The following PIK3CA variants were observed in gnomAD, a reference collection of about 807,000 sequenced individuals.
PIK3CA encodes the protein phosphatidylinositol-4,5-bisphosphate 3-kinase catalytic subunit alpha.
PIK3CA carries 27 observed loss-of-function variants against 138.2 expected under a neutral mutation model. The ratio of observed to expected loss-of-function variants is 0.20; its 90% confidence interval spans 0.14 to 0.27. The LOEUF is 0.27. Ranked by LOEUF, PIK3CA falls within the 10% of genes least tolerant of loss-of-function variation. PIK3CA has a pLI of 1.00. For missense variants in PIK3CA, 544 were observed against 1,277.4 expected (o/e 0.43, Z 8.75); for synonymous variants, 358 against 413.2 (o/e 0.87, Z 1.62).
chr3:179,230,761 A>G lies in PIK3CA; in HGVS notation c.2936+385A>G, dbSNP rs1725191596. 6.6e-6 allele frequency among the ~76,000 whole-genome samples: 1 copy of G among 152,208 alleles called. No homozygotes were observed. The highest frequency in any genetic ancestry group is 2.4e-5 in the African/African-American group (1 of 41,462). On this transcript the variant is annotated intron_variant, in intron 20 of 20. Transcript: ENST00000263967. The surrounding 1 kb of genome is among the most constrained non-coding windows in gnomAD (Gnocchi z 5.4). ...AGAGTGAGACCCTGTATCAAAATAA[A>G]TAAAATGAAATAATAGAAGTTCTTT...
chr3:179,172,107 T>TA (rs1723573715), intron 1 of PIK3CA, among the ~76,000 whole-genome samples: 1 of 152,160 alleles, frequency 6.6e-6, no homozygotes, highest in Non-Finnish European at 1.5e-5. Flanking sequence ...CAATTCTGTG[T>TA]AATATACCAT....
rs2108429497 is a variant in PIK3CA, at chr3:179,234,214, T to A, written c.3057T>A (p.Ile1019=). ...CAGAACTACAATCTTTTGATGACAT[T>A]GCATACATTCGAAAGACCCTAGCCT... ...GMPELQSFDD[I]AYIRKTLALD... The change falls in exon 21 of 21, where the codon ATT becomes ATA. Residue 1019 remains isoleucine (I), a synonymous_variant. Coordinates refer to ENST00000263967, the MANE Select transcript of PIK3CA (RefSeq NM_006218.4). This position sits in a 1 kb window ranked among gnomAD's most constrained non-coding sequence, Gnocchi z 5.1. 1 of 1,613,786 alleles carries A rather than the reference T, an allele frequency of 6.2e-7. No homozygotes were observed. Among genetic ancestry groups the A allele is most frequent in the South Asian group, 1.1e-5 (1 of 91,066 alleles).
In PIK3CA at chr3:179,195,278, C is replaced by A. The variant is rs185716818; in HGVS notation, c.-76-3472C>A. Among the ~76,000 whole-genome samples the A allele has an allele frequency of 1.6e-3, 246 of 150,478 alleles. 1 individual carries two copies. The highest frequency in any genetic ancestry group is 5.7e-3 in the African/African-American group (235 of 40,896). On this transcript the variant is annotated intron_variant, in intron 1 of 20. Transcript: ENST00000263967. ...TCTCGGTGAAAAAAAAAAACAACAA[C>A]AAAAACCGTTTCCTTCCCCATCTGG...
intron 9 of PIK3CA, among the ~76,000 whole-genome samples, chr3:179,215,830 T>A (rs1474835594): frequency 6.6e-6 from 1 of 152,152 alleles, no homozygotes; most frequent in Non-Finnish European, 1.5e-5. Context: ...ATTAGACAAA[T>A]CATAATATGA....
intron 1 of PIK3CA, among the ~76,000 whole-genome samples, chr3:179,197,567 A>G (rs1241562752): frequency 6.6e-6 from 1 of 152,210 alleles, no homozygotes; most frequent in Non-Finnish European, 1.5e-5. Context: ...TCGTCATTAG[A>G]TTCCCACATC....
intron 4 of PIK3CA, 51 bp from the exon 5 acceptor site, chr3:179,203,493 T>A: frequency 1.3e-6 from 2 of 1,544,420 alleles, no homozygotes; most frequent in South Asian, 1.2e-5. Flanking sequence ...CATGTTACTT[T>A]TAAAATGAAA....
rs1234538194 is a variant in PIK3CA, at chr3:179,237,748, G to T, written c.*3384G>T. 1 of 210,752 alleles carries T rather than the reference G, an allele frequency of 4.7e-6. No homozygotes were observed. The highest frequency in any genetic ancestry group is 2.3e-5 in the African/African-American group (1 of 44,098). The allele number at this position is 210,752 out of a possible 1,614,324, so 13.1% of individuals were successfully genotyped here. A position where few individuals can be genotyped will look rare whatever the true frequency, so the allele number is the denominator to read the frequency against. On this transcript the variant is annotated 3_prime_UTR_variant, in exon 21 of 21. Coordinates refer to ENST00000263967, the MANE Select transcript of PIK3CA (RefSeq NM_006218.4). Reference sequence around the variant, plus strand: ...TGTTTTTTCTTAATGATGTAAATCCGTTTAATTCATACTTTGATCAATAGC... The same window carrying T: ...TGTTTTTTCTTAATGATGTAAATCCTTTTAATTCATACTTTGATCAATAGC...
chr3:179,226,669 A>G (rs978433716), intron 17 of PIK3CA, among the ~76,000 whole-genome samples: 4 of 152,134 alleles, frequency 2.6e-5, no homozygotes, highest in African/African-American at 7.2e-5. Context: ...AGCTGTAACA[A>G]CAGGGTACAT....
rs1725360435 is a variant in PIK3CA at position 179,237,822 on chromosome 3, G to C, written c.*3458G>C. 2 of 209,946 alleles carry C rather than the reference G, an allele frequency of 9.5e-6. No homozygotes were observed. Among genetic ancestry groups the C allele is most frequent in the African/African-American group, 4.5e-5 (2 of 44,048 alleles). 13.0% of individuals were successfully genotyped at this position (209,946 alleles called of 1,614,324 possible). A position where few individuals can be genotyped will look rare whatever the true frequency, so the allele number is the denominator to read the frequency against. On this transcript the variant is annotated 3_prime_UTR_variant, in exon 21 of 21. Transcript: ENST00000263967. The stretch of plus-strand genomic sequence containing the variant: ...ATTTAATTTCCAGCAGTATTTTAAA[G>C]CTAGCCTGTTAACTTTTTCTGAATA...
At chr3:179,223,228 G>GA (rs897394949) in intron 14 of PIK3CA, among the ~76,000 whole-genome samples, 2 of 152,028 alleles carry the variant, frequency 1.3e-5, no homozygotes, top group African/African-American at 4.8e-5. Context: ...ATAACAAGAA[G>GA]AAAAAAACTT....
Position 179,220,975 on chromosome 3 carries a change from G to A in PIK3CA, c.2016-11G>A, listed in dbSNP as rs200418058. ...TATATATATATTTTTAATTTTGCACGATTCTTTTAGATCTGAGATGCACAA... is the reference window on the plus strand; with the variant it reads ...TATATATATATTTTTAATTTTGCACAATTCTTTTAGATCTGAGATGCACAA... On this transcript the variant is annotated splice_polypyrimidine_tract_variant and intron_variant, in intron 13 of 20. Coordinates refer to ENST00000263967, the MANE Select transcript of PIK3CA (RefSeq NM_006218.4). The surrounding 1 kb of genome is among the most constrained non-coding windows in gnomAD (Gnocchi z 4.1). 71 of 1,580,816 alleles carry A rather than the reference G, an allele frequency of 4.5e-5. No individual in the cohort carries two copies. Among genetic ancestry groups the A allele is most frequent in the Non-Finnish European group, 5.6e-5 (65 of 1,163,904 alleles).
At chr3:179,180,351 G>A (rs140077131) in intron 1 of PIK3CA, among the ~76,000 whole-genome samples, 38 of 152,170 alleles carry the variant, frequency 2.5e-4, no homozygotes, top group African/African-American at 8.2e-4. Flanking sequence ...TAGATAATAA[G>A]GTCTTTTCAA....
intron 4 of PIK3CA, 122 bp from the exon 5 acceptor site, chr3:179,203,421 TG>T: frequency 1.3e-6 from 1 of 771,564 alleles, no homozygotes; most frequent in Non-Finnish European, 2.0e-6. Flanking sequence ...CTAGTAAATG[TG>T]GTCTATAATG....
At chr3:179,179,355 T>A (rs544396167) in intron 1 of PIK3CA, among the ~76,000 whole-genome samples, 2 of 152,336 alleles carry the variant, frequency 1.3e-5, no homozygotes, top group East Asian at 3.9e-4. Context: ...GTTGCACTCT[T>A]CTCATTCTGT....
chr3:179,149,966 A>G (rs1207382734), intron 1 of PIK3CA, among the ~76,000 whole-genome samples: 1 of 152,006 alleles, frequency 6.6e-6, no homozygotes, highest in Admixed American at 6.5e-5. Context: ...AAGCAACTAC[A>G]GTCTTAACAA....
chr3:179,185,765 G>C (rs1036422458), intron 1 of PIK3CA, among the ~76,000 whole-genome samples: 4 of 152,210 alleles, frequency 2.6e-5, no homozygotes, highest in African/African-American at 9.7e-5. Flanking sequence ...TACTACAAAG[G>C]ATATAGATGA....
At chr3:179,194,065 T>C (rs1447482528) in intron 1 of PIK3CA, among the ~76,000 whole-genome samples, 1 of 152,208 alleles carries the variant, frequency 6.6e-6, no homozygotes, top group African/African-American at 2.4e-5. Context: ...TTTAGGGATT[T>C]TTCTCTAGAC....
Position 179,192,887 on chromosome 3 carries a change from G to A in PIK3CA, c.-76-5863G>A, listed in dbSNP as rs556007331. ...GCTTTCAATCTAGGGATTAAAAATCGAACTGTCAAGATGTCATTGTCTTCT... is the reference window on the plus strand; with the variant it reads ...GCTTTCAATCTAGGGATTAAAAATCAAACTGTCAAGATGTCATTGTCTTCT... On this transcript the variant is annotated intron_variant, in intron 1 of 20. Transcript: ENST00000263967. Among the ~76,000 whole-genome samples the A allele has an allele frequency of 4.6e-5, 7 of 152,282 alleles. No individual in the cohort carries two copies. The South Asian group carries it at 1.4e-3, about 32-fold the overall frequency.
chr3:179,221,833 G>A (rs1272208045), intron 14 of PIK3CA, among the ~76,000 whole-genome samples: 4 of 148,806 alleles, frequency 2.7e-5, no homozygotes, highest in Non-Finnish European at 5.9e-5. Flanking sequence ...TCAGCCTCCT[G>A]AGTAGCTAGG....
Sources: allele counts gnomAD v4.1 joint callset (sites outside exome capture counted in the v4.1 genomes callset), GRCh38; gene constraint gnomAD v4.1.1; non-coding constraint Gnocchi (gnomAD v3.1); transcripts MANE v1.5; gene names NCBI Gene and HGNC (gene_info 2026-07-23, HGNC 2026-07-21).